Variants in SPRR2G observed in about 807,000 individuals in gnomAD.
SPRR2G encodes small proline rich protein 2G.
A neutral mutation model predicts 0.7 loss-of-function variants in SPRR2G; 1 was observed. The observed-to-expected ratio is 1.49, with a 90% confidence interval of 0.53 to 7.06. SPRR2G has a LOEUF of 7.06. SPRR2G is among the 30% of genes most tolerant of loss of function. The pLI is 0.14. For missense variants in SPRR2G, 96 were observed against 88.5 expected, an observed-to-expected ratio of 1.09 and a Z score of -0.34; for synonymous variants, 38 against 33.9, an observed-to-expected ratio of 1.12 and a Z score of -0.42.
chr1:153,162,772 T>G, the SPRR2G span, among the ~76,000 whole-genome samples: 1 of 152,222 alleles, frequency 6.6e-6, no homozygotes, highest in South Asian at 2.1e-4. Flanking sequence ...ATCTTTATCA[T>G]TGCACTTGCC....
At chr1:153,186,479 T>G in the SPRR2G span, among the ~76,000 whole-genome samples, 1 of 152,220 alleles carries the variant, frequency 6.6e-6, no homozygotes, top group Non-Finnish European at 1.5e-5. Flanking sequence ...TGTCTTTCTT[T>G]GTATTTTTTG....
the SPRR2G span, among the ~76,000 whole-genome samples, chr1:153,179,419 A>T: frequency 3.9e-5 from 6 of 152,104 alleles, no homozygotes; most frequent in Admixed American, 2.0e-4. Flanking sequence ...TGTGCTTTTC[A>T]TCTAAGTTGT....
At chr1:153,153,557 G>T (rs909269250), upstream of SPRR2G, among the ~76,000 whole-genome samples, 2 of 152,076 alleles carry the variant, frequency 1.3e-5, no homozygotes, top group African/African-American at 4.8e-5. Flanking sequence ...CAAAGTTCCT[G>T]ATTTGCCTAA....
the SPRR2G span, among the ~76,000 whole-genome samples, chr1:153,173,500 T>TGAATGG: frequency 6.6e-6 from 1 of 152,184 alleles, no homozygotes; most frequent in Non-Finnish European, 1.5e-5. Context: ...AAGCACATAT[T>TGAATGG]GAATGGAAAT....
At chr1:153,199,448 A>G in the SPRR2G span, among the ~76,000 whole-genome samples, 1 of 152,210 alleles carries the variant, frequency 6.6e-6, no homozygotes, top group Non-Finnish European at 1.5e-5. Context: ...TCCACGGGAG[A>G]AAGGTCAGCC....
At chr1:153,173,110 C>T in the SPRR2G span, among the ~76,000 whole-genome samples, 1 of 152,352 alleles carries the variant, frequency 6.6e-6, no homozygotes, top group South Asian at 2.1e-4. Flanking sequence ...TGTTCACATC[C>T]TATCTCACGT....
At chr1:153,169,334 G>A in the SPRR2G span, among the ~76,000 whole-genome samples, 2 of 152,148 alleles carry the variant, frequency 1.3e-5, no homozygotes, top group African/African-American at 2.4e-5. Flanking sequence ...GAGAGGCTGA[G>A]GTGGGTGGAT....
At chr1:153,165,062 A>T in the SPRR2G span, among the ~76,000 whole-genome samples, 1 of 152,158 alleles carries the variant, frequency 6.6e-6, no homozygotes, top group Non-Finnish European at 1.5e-5. Flanking sequence ...CTAGAAGAGG[A>T]TGATGAATGA....
At chr1:153,178,178 A>G in the SPRR2G span, among the ~76,000 whole-genome samples, 1 of 152,120 alleles carries the variant, frequency 6.6e-6, no homozygotes, top group South Asian at 2.1e-4. Context: ...TTGACCTTGT[A>G]TTCTGTGGCC....
At chr1:153,179,555 C>T in the SPRR2G span, among the ~76,000 whole-genome samples, 1 of 151,952 alleles carries the variant, frequency 6.6e-6, no homozygotes, top group South Asian at 2.1e-4. Context: ...GGTACTCATG[C>T]CACAAACTAA....
chr1:153,175,061 T>G, the SPRR2G span, among the ~76,000 whole-genome samples: 23 of 152,202 alleles, frequency 1.5e-4, 2 homozygotes, highest in Admixed American at 1.5e-3. Flanking sequence ...CAGGGAATTG[T>G]TAGAATGATC....
At chr1:153,184,210 T>C in the SPRR2G span, among the ~76,000 whole-genome samples, 2 of 152,212 alleles carry the variant, frequency 1.3e-5, no homozygotes, top group African/African-American at 4.8e-5. Flanking sequence ...GGGCTCTTTT[T>C]TGGTTCCACA....
At chr1:153,171,738 T>C in the SPRR2G span, among the ~76,000 whole-genome samples, 1 of 152,184 alleles carries the variant, frequency 6.6e-6, no homozygotes, top group Non-Finnish European at 1.5e-5. Context: ...CTGGCACAGA[T>C]AGTGAAGTCT....
upstream of SPRR2G, among the ~76,000 whole-genome samples, chr1:153,152,594 C>T (rs1428348801): frequency 1.3e-5 from 2 of 152,124 alleles, no homozygotes; most frequent in Non-Finnish European, 1.5e-5. Context: ...GTTATCCCTC[C>T]CTAGTACTCT....
the SPRR2G span, among the ~76,000 whole-genome samples, chr1:153,167,769 G>T: frequency 6.6e-6 from 1 of 152,058 alleles, no homozygotes; most frequent in African/African-American, 2.4e-5. Flanking sequence ...TGATAATAAA[G>T]GTTTTTGGAT....
At chr1:153,171,720 C>T in the SPRR2G span, among the ~76,000 whole-genome samples, 1 of 152,266 alleles carries the variant, frequency 6.6e-6, no homozygotes, top group South Asian at 2.1e-4. Context: ...GATGGTGGTC[C>T]CATCTCCCTG....
At chr1:153,199,324 G>A in the SPRR2G span, among the ~76,000 whole-genome samples, 6 of 152,252 alleles carry the variant, frequency 3.9e-5, no homozygotes, top group East Asian at 1.9e-4. Context: ...ATGCCTAGGC[G>A]CTACAGGAGC....
chr1:153,150,624 G>T (rs1481168976), intron 1 of SPRR2G, among the ~76,000 whole-genome samples: 1 of 152,158 alleles, frequency 6.6e-6, no homozygotes, highest in Non-Finnish European at 1.5e-5. Context: ...ACAGCATCTT[G>T]TGTCTCTCAC....
chr1:153,166,065 C>G, the SPRR2G span, among the ~76,000 whole-genome samples: 8 of 152,208 alleles, frequency 5.3e-5, no homozygotes, highest in African/African-American at 1.9e-4. Context: ...TCACCCAAGC[C>G]TTCTCTTTCC....
Sources: gnomAD v4.1 joint callset for allele counts (sites outside exome capture counted in the v4.1 genomes callset) on GRCh38, gnomAD v4.1.1 for gene constraint, MANE v1.5 for transcripts, NCBI Gene and HGNC (gene_info 2026-07-23, HGNC 2026-07-21) for gene names.